The following ULK2 variants were observed in gnomAD, a reference collection of about 807,000 sequenced individuals.
The protein encoded by ULK2 is serine/threonine-protein kinase ULK2.
A neutral mutation model predicts 127.5 loss-of-function variants in ULK2; 76 were observed. The observed-to-expected ratio is 0.60, with a 90% CI of 0.50 to 0.72. ULK2 has a LOEUF of 0.72. ULK2 is among the 30% of genes least tolerant of loss of function. ULK2 has a pLI of 0.00. For synonymous variants in ULK2, 452 were observed against 461.9 expected, an observed-to-expected ratio of 0.98 and a Z score of 0.28; for missense variants, 1,144 against 1,295.9, an observed-to-expected ratio of 0.88 and a Z score of 1.80.
intron 20 of ULK2, among the ~76,000 whole-genome samples, chr17:19,789,251 G>A (rs910569277): frequency 2.8e-5 from 4 of 143,912 alleles, no homozygotes; most frequent in Non-Finnish European, 6.0e-5. Context: ...AGAGAGACAC[G>A]CCATTAGTTG....
chr17:19,829,702 G>T (rs1219919779), intron 10 of ULK2, among the ~76,000 whole-genome samples: 1 of 151,732 alleles, frequency 6.6e-6, no homozygotes, highest in East Asian at 1.9e-4. Context: ...TGGGCATGGT[G>T]GCAGGCACCT....
chr17:19,849,656 T>G (rs2041969437), intron 4 of ULK2, 86 bp downstream of exon 4: 6 of 1,013,106 alleles, frequency 5.9e-6, no homozygotes, highest in Non-Finnish European at 7.1e-6. Flanking sequence ...CAAAAAGGAT[T>G]TGAAATATGC....
chr17:19,811,891 A>G (rs2087649525), intron 13 of ULK2, among the ~76,000 whole-genome samples: 1 of 152,246 alleles, frequency 6.6e-6, no homozygotes, highest in South Asian at 2.1e-4. Context: ...TTTAAGTAAT[A>G]TTCATAGAGT....
rs1296243511 is a variant in ULK2 at position 19,797,539 on chromosome 17, C to A, written c.1666G>T (p.Gly556Trp). Reference protein sequence around the residue: ...HSDPVCPSHTGAGYSYSPQPS... With the variant: ...HSDPVCPSHTWAGYSYSPQPS... ...TGAGGCGAGTAGCTGTACCCAGCCCCAGTATGGGATGGGCACACGGGGTCA... is the reference window on the plus strand; with the variant it reads ...TGAGGCGAGTAGCTGTACCCAGCCCAAGTATGGGATGGGCACACGGGGTCA... The change falls in exon 18 of 27, where the codon GGG (glycine) becomes TGG (tryptophan). Residue 556 changes from glycine to tryptophan, a missense_variant. Around this residue, in one of 2 missense-constraint regions of ULK2, gnomAD observed 913 missense variants for 970.5 expected, o/e 0.94. Transcript: ENST00000395544. The A allele has an allele frequency of 1.9e-6, 3 of 1,613,906 alleles. No individual in the cohort carries two copies. The highest frequency in any genetic ancestry group is 2.5e-6 in the Non-Finnish European group (3 of 1,180,008).
intron 14 of ULK2, among the ~76,000 whole-genome samples, chr17:19,809,901 T>A (rs2087596561): frequency 6.6e-6 from 1 of 151,648 alleles, no homozygotes; most frequent in East Asian, 1.9e-4. Flanking sequence ...CAAGACTCCA[T>A]CTCAAAGAAA....
chr17:19,799,682 G>T, intron 16 of ULK2, 107 bp from the exon 17 acceptor site: 1 of 1,112,796 alleles, frequency 9.0e-7, no homozygotes, highest in Non-Finnish European at 1.2e-6. Context: ...TAAACTACTG[G>T]TTAGAAAATT....
intron 10 of ULK2, among the ~76,000 whole-genome samples, chr17:19,833,364 C>CA (rs1250921791): frequency 2.1e-5 from 1 of 47,656 alleles, no homozygotes; most frequent in African/African-American, 4.6e-5. Context: ...TTATTATAAA[C>CA]AAATTTTTTT....
At position 19,846,293 on chromosome 17, in the gene ULK2, CCTAT is replaced by C. The variant is rs375420162; in HGVS notation, c.469+440_469+443del. 5.0e-3 allele frequency among the ~76,000 whole-genome samples: 767 copies of C among 152,192 alleles called. 4 individuals are homozygous for C. Among genetic ancestry groups the C allele is most frequent in the African/African-American group, 0.018 (736 of 41,514 alleles). ...AACTGTCAATAATGTAAAGGATTCA[CCTAT>C]CTAAGAGAACTCCACGATCTCAATA... On this transcript the variant is annotated intron_variant, in intron 6 of 26. Coordinates refer to ENST00000395544, the MANE Select transcript of ULK2 (RefSeq NM_014683.4).
chr17:19,853,748 T>C (rs915986247), intron 3 of ULK2, among the ~76,000 whole-genome samples: 4 of 152,004 alleles, frequency 2.6e-5, no homozygotes, highest in African/African-American at 9.7e-5. Flanking sequence ...ATTTTTTGTA[T>C]TTTTAGTAGA....
At chr17:19,801,088 C>T (rs1444357400) in intron 16 of ULK2, among the ~76,000 whole-genome samples, 1 of 151,882 alleles carries the variant, frequency 6.6e-6, no homozygotes, top group African/African-American at 2.4e-5. Flanking sequence ...GTAATTGTGA[C>T]CCAGAGCTGC....
At chr17:19,846,257 G>A (rs957553741) in intron 6 of ULK2, among the ~76,000 whole-genome samples, 5 of 152,136 alleles carry the variant, frequency 3.3e-5, no homozygotes, top group African/African-American at 1.2e-4. Context: ...CACTGCCTGA[G>A]ACTTGGCAGA....
Position 19,774,457 on chromosome 17 carries a change from G to A in ULK2, c.*1892C>T, listed in dbSNP as rs1360997403. The A allele has an allele frequency of 1.3e-5, 2 of 152,190 alleles. No homozygotes were observed. The highest frequency in any genetic ancestry group is 2.9e-5 in the Non-Finnish European group (2 of 68,034). The allele number at this position is 152,190 out of a possible 1,614,324, so 9.4% of individuals were successfully genotyped here. A position where few individuals can be genotyped will look rare whatever the true frequency, so the allele number is the denominator to read the frequency against. ...CTGTCTTAAAAAAGAAATGGGAGAG[G>A]AAGAGGAGAGGATAGAATAAACCTA... On this transcript the variant is annotated 3_prime_UTR_variant, in exon 27 of 27. Transcript: ENST00000395544.
intron 10 of ULK2, among the ~76,000 whole-genome samples, chr17:19,834,925 G>A (rs1597788683): frequency 6.7e-6 from 1 of 148,638 alleles, no homozygotes. Flanking sequence ...AAAAAAAAAA[G>A]AGAAACACAC....
At chr17:19,793,202 C>A (rs2087194821) in intron 20 of ULK2, among the ~76,000 whole-genome samples, 1 of 152,114 alleles carries the variant, frequency 6.6e-6, no homozygotes, top group African/African-American at 2.4e-5. Context: ...CTTATAAAAC[C>A]ATCATATCTC....
chr17:19,821,403 T>TTTTATTGTTTGTAA, intron 12 of ULK2, among the ~76,000 whole-genome samples: 1 of 118,526 alleles, frequency 8.4e-6, no homozygotes, highest in African/African-American at 3.4e-5. Context: ...TTTGGAGTTT[T>TTTTATTGTTTGTAA]TTTATTGTTT....
intron 9 of ULK2, among the ~76,000 whole-genome samples, chr17:19,839,677 GAAAGA>G (rs1191650545): frequency 2.1e-5 from 3 of 144,554 alleles, no homozygotes; most frequent in South Asian, 2.2e-4. Context: ...AAAAAAAAAA[GAAAGA>G]AAAGAAAAGA....
intron 26 of ULK2, among the ~76,000 whole-genome samples, 180 bp from the exon 27 acceptor site, chr17:19,776,587 C>T (rs1054642420): frequency 1.3e-5 from 2 of 152,106 alleles, no homozygotes; most frequent in Admixed American, 1.3e-4. Flanking sequence ...GTAAGCACAT[C>T]AGCTAGCTTG....
chr17:19,824,930 T>C (rs1214657421), intron 12 of ULK2, among the ~76,000 whole-genome samples, 164 bp downstream of exon 12: 1 of 152,218 alleles, frequency 6.6e-6, no homozygotes, highest in African/African-American at 2.4e-5. Flanking sequence ...GAGGCCCGAA[T>C]GCAGGTCCAT....
At position 19,799,529 on chromosome 17, in the gene ULK2, A is replaced by G; in HGVS notation, c.1488T>C (p.Pro496=). The G allele has an allele frequency of 1.3e-6, 2 of 1,585,288 alleles. No individual in the cohort carries two copies. The highest frequency in any genetic ancestry group is 1.7e-6 in the Non-Finnish European group (2 of 1,169,574). Residue 496 remains proline, a synonymous_variant, in exon 17 of 27, where the codon CCT becomes CCC. Coordinates refer to ENST00000395544, the MANE Select transcript of ULK2 (RefSeq NM_014683.4). ...TTCTACTCCTGGAGTCATGGCCCTG[A>G]GGATGCCCACAGCAGCACTGACTGA... is the stretch of plus-strand genomic sequence containing the variant. ...EQFSQCCCGH[P]QGHDSRSRNS... is the part of the protein sequence containing the mutation.
Sources: gnomAD v4.1 joint callset for allele counts (sites outside exome capture counted in the v4.1 genomes callset) on GRCh38, gnomAD v4.1.1 for gene constraint, gnomAD v4.1.1 regional missense constraint, MANE v1.5 for transcripts, NCBI Gene and HGNC (gene_info 2026-07-23, HGNC 2026-07-21) for gene names.